The following COL23A1 variants were observed in gnomAD, a reference collection of about 807,000 sequenced individuals.
COL23A1 encodes collagen type XXIII alpha 1 chain.
COL23A1 carries 97 observed loss-of-function variants against 99.3 expected under a neutral mutation model. The observed-to-expected ratio is 0.98, with a 90% CI of 0.83 to 1.16. The LOEUF is 1.16. Ranked by LOEUF, COL23A1 falls within the 50% of genes most tolerant of loss-of-function variation. The probability of loss-of-function intolerance (pLI) is 0.00; values close to 1 mark genes in which losing one functional copy is unlikely to be tolerated. For synonymous variants in COL23A1, 320 were observed against 308.2 expected, an observed-to-expected ratio of 1.04 and a Z score of -0.40; for missense variants, 762 against 757.4, an observed-to-expected ratio of 1.01 and a Z score of -0.07.
intron 2 of COL23A1, among the ~76,000 whole-genome samples, chr5:178,492,958 C>T (rs891938592): frequency 6.6e-6 from 1 of 152,206 alleles, no homozygotes; most frequent in Non-Finnish European, 1.5e-5. Flanking sequence ...GACTAAATGA[C>T]TTCATTCTAG....
At chr5:178,326,939 C>T (rs571863837) in intron 2 of COL23A1, among the ~76,000 whole-genome samples, 17 of 152,318 alleles carry the variant, frequency 1.1e-4, no homozygotes, top group South Asian at 4.1e-4. Context: ...AGGCTGGTCT[C>T]GAACTCCTGA....
At chr5:178,581,921 T>C (rs1426256934) in intron 1 of COL23A1, among the ~76,000 whole-genome samples, 1 of 152,182 alleles carries the variant, frequency 6.6e-6, no homozygotes, top group East Asian at 1.9e-4. Flanking sequence ...AATATCTGTC[T>C]ACATGATGGA....
At chr5:178,502,445 T>C (rs562423354) in intron 2 of COL23A1, among the ~76,000 whole-genome samples, 20 of 152,350 alleles carry the variant, frequency 1.3e-4, no homozygotes, top group East Asian at 3.9e-4. Context: ...AGAGTTGGTA[T>C]TCTTATTTCT....
chr5:178,382,980 G>A (rs1037269669), intron 2 of COL23A1, among the ~76,000 whole-genome samples: 3 of 152,146 alleles, frequency 2.0e-5, no homozygotes, highest in Non-Finnish European at 4.4e-5. Context: ...GACCTGGGGA[G>A]GTGAGAGACT....
chr5:178,588,703 CA>C (rs1188577326), intron 1 of COL23A1, among the ~76,000 whole-genome samples: 1 of 151,610 alleles, frequency 6.6e-6, no homozygotes, highest in African/African-American at 2.4e-5. Flanking sequence ...GACTAAGAAA[CA>C]GGTGGGGTGA....
intron 2 of COL23A1, among the ~76,000 whole-genome samples, chr5:178,553,626 GTTAGTA>G (rs1202330628): frequency 6.6e-6 from 1 of 152,206 alleles, no homozygotes; most frequent in East Asian, 1.9e-4. Context: ...TTTGAGCCTG[GTTAGTA>G]ACAAGTGCAA....
chr5:178,268,852 G>C, intron 6 of COL23A1, 96 bp from the exon 7 acceptor site: 16 of 1,292,132 alleles, frequency 1.2e-5, no homozygotes, highest in Middle Eastern at 1.9e-4. Context: ...AGAAGGGCCC[G>C]TGATGCTGGG....
At chr5:178,420,217 C>T (rs1765527762) in intron 2 of COL23A1, among the ~76,000 whole-genome samples, 1 of 152,148 alleles carries the variant, frequency 6.6e-6, no homozygotes, top group Non-Finnish European at 1.5e-5. Flanking sequence ...TCACTTTCCT[C>T]TTCTATGAAA....
intron 2 of COL23A1, among the ~76,000 whole-genome samples, chr5:178,409,509 A>C (rs1210348018): frequency 6.6e-6 from 1 of 151,058 alleles, no homozygotes; most frequent in East Asian, 1.9e-4. Flanking sequence ...TGTGTGATAA[A>C]ATGGCACACT....
intron 2 of COL23A1, among the ~76,000 whole-genome samples, chr5:178,507,068 T>G (rs1323146699): frequency 1.3e-5 from 2 of 152,230 alleles, no homozygotes; most frequent in African/African-American, 4.8e-5. Flanking sequence ...GTTTGTAGCC[T>G]TGTGGTTTAT....
At chr5:178,300,694 G>A (rs1282153491) in intron 3 of COL23A1, among the ~76,000 whole-genome samples, 1 of 151,532 alleles carries the variant, frequency 6.6e-6, no homozygotes, top group African/African-American at 2.4e-5. Context: ...GAGTAGCTGG[G>A]ACTATAGGCA....
At chr5:178,301,023 T>C (rs1046226576) in intron 3 of COL23A1, among the ~76,000 whole-genome samples, 5 of 40,666 alleles carry the variant, frequency 1.2e-4, no homozygotes, top group Non-Finnish European at 2.8e-4. Flanking sequence ...CAAATATTCC[T>C]TTGTTTCTTT....
chr5:178,488,306 G>C (rs1239065560), intron 2 of COL23A1, among the ~76,000 whole-genome samples: 1 of 152,154 alleles, frequency 6.6e-6, no homozygotes, highest in African/African-American at 2.4e-5. Flanking sequence ...CCTCTCCCCT[G>C]TCACCTGCCT....
At position 178,287,809 on chromosome 5, in the gene COL23A1, T is replaced by C. The variant is rs141964071; in HGVS notation, c.441+515A>G. 1.0e-3 allele frequency among the ~76,000 whole-genome samples: 155 copies of C among 152,362 alleles called. 2 individuals are homozygous for C. The South Asian group carries it at 0.022, about 22-fold the overall frequency. ...ACAGCGGCACAGCCACGCTGCGTCT[T>C]GCTGCTGACGTGGTGCTCACTTGGC... On this transcript the variant is annotated intron_variant, in intron 5 of 28. Transcript: ENST00000390654.
At chr5:178,472,297 G>GGA (rs1756796267) in intron 2 of COL23A1, among the ~76,000 whole-genome samples, 1 of 152,152 alleles carries the variant, frequency 6.6e-6, no homozygotes, top group African/African-American at 2.4e-5. Context: ...GACCCAATGG[G>GGA]GAGCCACAGT....
intron 2 of COL23A1, among the ~76,000 whole-genome samples, chr5:178,546,030 G>A (rs1581606869): frequency 2.0e-5 from 3 of 151,916 alleles, no homozygotes; most frequent in East Asian, 3.9e-4. Context: ...CCTCCTCCAC[G>A]AGGCACCCTA....
Position 178,428,159 on chromosome 5 carries a change from GA to G in COL23A1, c.362-121241del, listed in dbSNP as rs1456514984. On this transcript the variant is annotated intron_variant, in intron 2 of 28. Coordinates refer to ENST00000390654, the MANE Select transcript of COL23A1 (RefSeq NM_173465.4). The surrounding 1 kb of genome is among the most constrained non-coding windows in gnomAD (Gnocchi z 5.0). Reference sequence around the variant, plus strand: ...TGCTCACTGGCTCAGATATCACAGGGAAAAGAGAACGAGGAATCCAAAGTCC... The same window carrying G: ...TGCTCACTGGCTCAGATATCACAGGGAAAGAGAACGAGGAATCCAAAGTCC... Among the ~76,000 whole-genome samples the G allele has an allele frequency of 5.9e-5, 9 of 152,308 alleles. No homozygotes were observed. The East Asian group carries it at 1.5e-3, about 26-fold the overall frequency.
intron 2 of COL23A1, among the ~76,000 whole-genome samples, chr5:178,392,487 C>T (rs2127753919): frequency 6.6e-6 from 1 of 152,284 alleles, no homozygotes; most frequent in Middle Eastern, 3.4e-3. Context: ...AAGGCCACGC[C>T]ACCTCCAGAA....
Position 178,389,113 on chromosome 5 carries a change from G to A in COL23A1, c.362-82194C>T, listed in dbSNP as rs936606522. ...CCCCAAACCTGGCTGTCACGCTCCC[G>A]TTGCCTCAGTGTGTGGCTTTACATA... On this transcript the variant is annotated intron_variant, in intron 2 of 28. Transcript: ENST00000390654. 4.6e-5 allele frequency among the ~76,000 whole-genome samples: 7 copies of A among 151,718 alleles called. No individual in the cohort carries two copies. In the East Asian group the frequency reaches 5.8e-4, roughly 13 times the overall value.
Sources: allele counts gnomAD v4.1 joint callset (sites outside exome capture counted in the v4.1 genomes callset), GRCh38; gene constraint gnomAD v4.1.1; non-coding constraint Gnocchi (gnomAD v3.1); transcripts MANE v1.5; gene names NCBI Gene and HGNC (gene_info 2026-07-23, HGNC 2026-07-21).